Variants in DLG2 observed in about 807,000 individuals in gnomAD.
DLG2 encodes the protein discs large MAGUK scaffold protein 2, also known as disks large homolog 2.
In DLG2, 45 loss-of-function variants were observed where a neutral mutation model predicts 132.5. The observed-to-expected ratio is 0.34, with a 90% CI of 0.27 to 0.44. The LOEUF (loss-of-function observed/expected upper bound fraction) is 0.44, where lower values mean the gene tolerates loss of function less well. Among genes scored for constraint, DLG2 ranks in the 20% least tolerant of loss-of-function variants. The pLI is 1.00. For missense variants in DLG2, 1,045 were observed against 1,196.9 expected, an observed-to-expected ratio of 0.87 and a Z score of 1.87; for synonymous variants, 424 against 419.6, an observed-to-expected ratio of 1.01 and a Z score of -0.13.
chr11:85,377,784 C>CATATATATATATATATATATATAT (rs35941912), intron 3 of DLG2, among the ~76,000 whole-genome samples: 2 of 130,264 alleles, frequency 1.5e-5, no homozygotes, highest in Non-Finnish European at 3.3e-5. Context: ...TGTGTGTATA[C>CATATATATATATATATATATATAT]ATATATATAT....
intron 6 of DLG2, among the ~76,000 whole-genome samples, chr11:84,781,628 G>T: frequency 6.6e-6 from 1 of 152,070 alleles, no homozygotes. Context: ...CTTATGAAAT[G>T]TTATTGCTCC....
In DLG2 at chr11:83,459,274, CA is replaced by C. The variant is rs1350654151; in HGVS notation, c.*543del. ...AATTCTTGTCTTTGCAGATGCCAGT[CA>C]AAAAACTACACACTTATCCTTCCCT... On this transcript the variant is annotated 3_prime_UTR_variant, in exon 28 of 28. Coordinates refer to ENST00000376104, the MANE Select transcript of DLG2 (RefSeq NM_001142699.3). The C allele has an allele frequency of 6.6e-6, 1 of 152,632 alleles. No individual in the cohort carries two copies. Among genetic ancestry groups the C allele is most frequent in the Non-Finnish European group, 1.5e-5 (1 of 68,050 alleles). The allele number at this position is 152,632 out of a possible 1,614,324, so 9.5% of individuals were successfully genotyped here. A position where few individuals can be genotyped will look rare whatever the true frequency, so the allele number is the denominator to read the frequency against.
At chr11:83,905,066 G>C (rs903451210) in intron 15 of DLG2, among the ~76,000 whole-genome samples, 1 of 152,050 alleles carries the variant, frequency 6.6e-6, no homozygotes, top group African/African-American at 2.4e-5. Flanking sequence ...ATCATCCCAT[G>C]CATTTAGGAT....
chr11:85,459,118 G>T (rs917500777), intron 3 of DLG2, among the ~76,000 whole-genome samples: 2 of 152,190 alleles, frequency 1.3e-5, no homozygotes, highest in African/African-American at 2.4e-5. Context: ...AGAGCAGCTT[G>T]CTGGAGGTGT....
intron 6 of DLG2, among the ~76,000 whole-genome samples, chr11:85,027,401 C>T (rs1467770286): frequency 1.3e-5 from 2 of 152,024 alleles, no homozygotes; most frequent in East Asian, 1.9e-4. Flanking sequence ...CTTGGGATGT[C>T]GATTTGCCAG....
rs2081350536 is a variant in DLG2 at position 85,294,192 on chromosome 11, T to C, written c.41-8827A>G. ...ATAGAAAATAATAAATAGAGTGAAA[T>C]GTAAACAATTGGTGAATCTGGGTAA... On this transcript the variant is annotated intron_variant, in intron 3 of 27. Transcript: ENST00000376104. Among the ~76,000 whole-genome samples, 5 of 152,044 alleles carry C rather than the reference T, an allele frequency of 3.3e-5. No individual in the cohort carries two copies. In the South Asian group the frequency reaches 1.0e-3, roughly 32 times the overall value.
At chr11:84,581,777 T>C (rs1372427690) in intron 6 of DLG2, among the ~76,000 whole-genome samples, 7 of 151,894 alleles carry the variant, frequency 4.6e-5, no homozygotes, top group Non-Finnish European at 1.0e-4. Context: ...CATGGTGGCA[T>C]GTGCCTGTAC....
chr11:85,054,730 G>C (rs2063275304), intron 6 of DLG2, among the ~76,000 whole-genome samples: 1 of 152,184 alleles, frequency 6.6e-6, no homozygotes, highest in Non-Finnish European at 1.5e-5. Flanking sequence ...GATGCAGCTA[G>C]AGACCATTAT....
chr11:84,806,803 C>T (rs1234646463), intron 6 of DLG2, among the ~76,000 whole-genome samples: 1 of 152,122 alleles, frequency 6.6e-6, no homozygotes, highest in Non-Finnish European at 1.5e-5. Context: ...TTTCCTTCTT[C>T]TCTTGGATTT....
At chr11:85,018,948 G>T (rs2059802945) in intron 6 of DLG2, among the ~76,000 whole-genome samples, 1 of 152,090 alleles carries the variant, frequency 6.6e-6, no homozygotes, top group Non-Finnish European at 1.5e-5. Context: ...GGATGCATTT[G>T]ACATGCCAAC....
chr11:84,567,096 C>A (rs904854359), intron 6 of DLG2, among the ~76,000 whole-genome samples: 1 of 151,980 alleles, frequency 6.6e-6, no homozygotes, highest in Non-Finnish European at 1.5e-5. Flanking sequence ...AACTTCACCT[C>A]GAAAAATAAA....
chr11:85,007,493 T>C (rs1365943730), intron 6 of DLG2, among the ~76,000 whole-genome samples: 2 of 150,148 alleles, frequency 1.3e-5, no homozygotes, highest in Non-Finnish European at 3.0e-5. Flanking sequence ...ACCCCATCTC[T>C]ACTAAAAAAA....
At chr11:83,563,809 GTATT>G in intron 19 of DLG2, among the ~76,000 whole-genome samples, 1 of 152,300 alleles carries the variant, frequency 6.6e-6, no homozygotes, top group Non-Finnish European at 1.5e-5. Context: ...AAATGAAACT[GTATT>G]TATTTACCAA....
At chr11:84,197,108 C>T (rs539663474) in intron 8 of DLG2, among the ~76,000 whole-genome samples, 12 of 149,066 alleles carry the variant, frequency 8.1e-5, no homozygotes, top group African/African-American at 2.7e-4. Context: ...ATGATCATTC[C>T]AATATCTTTT....
chr11:84,316,675 G>A (rs1271820313), intron 7 of DLG2: 1 of 836,452 alleles, frequency 1.2e-6, no homozygotes, highest in South Asian at 1.9e-5. Context: ...CCACAAACAT[G>A]TGTGAAAATG....
intron 21 of DLG2, among the ~76,000 whole-genome samples, chr11:83,524,184 C>T (rs867836384): frequency 3.3e-5 from 5 of 152,126 alleles, no homozygotes; most frequent in Non-Finnish European, 4.4e-5. Context: ...ACATATTAGG[C>T]TTAGATAAGT....
chr11:85,594,494 G>A (rs1340938339), intron 3 of DLG2, among the ~76,000 whole-genome samples: 3 of 152,060 alleles, frequency 2.0e-5, no homozygotes, highest in Admixed American at 6.5e-5. Context: ...CTCACACACT[G>A]GGAAGAAATA....
At chr11:83,752,980 G>A (rs895616181) in intron 18 of DLG2, among the ~76,000 whole-genome samples, 2 of 152,154 alleles carry the variant, frequency 1.3e-5, no homozygotes, top group African/African-American at 2.4e-5. Flanking sequence ...AAAGTTTAAG[G>A]TAAGAGGAGA....
At chr11:84,324,008 T>C (rs2098418663) in intron 7 of DLG2, among the ~76,000 whole-genome samples, 1 of 152,132 alleles carries the variant, frequency 6.6e-6, no homozygotes, top group South Asian at 2.1e-4. Flanking sequence ...ATTGTGTAGG[T>C]TACCTTTTCA....
Sources: allele counts gnomAD v4.1 joint callset (sites outside exome capture counted in the v4.1 genomes callset), GRCh38; gene constraint gnomAD v4.1.1; transcripts MANE v1.5; gene names NCBI Gene and HGNC (gene_info 2026-07-23, HGNC 2026-07-21).